The following NRXN2 variants were observed in gnomAD, a reference collection of about 807,000 sequenced individuals.
The protein encoded by NRXN2 is neurexin-2-beta.
NRXN2 carries 29 observed loss-of-function variants against 128.8 expected under a neutral mutation model. That is an observed-to-expected ratio of 0.23 (90% CI 0.17 to 0.31). The LOEUF (loss-of-function observed/expected upper bound fraction) is 0.31, where lower values mean the gene tolerates loss of function less well. Among genes scored for constraint, NRXN2 ranks in the 10% least tolerant of loss-of-function variants. NRXN2 has a pLI of 1.00. For synonymous variants in NRXN2, 1,098 were observed against 1,075.2 expected (o/e 1.02, Z -0.41); for missense variants, 1,881 against 2,452.6 (o/e 0.77, Z 4.92).
At chr11:64,678,798 G>A (rs989804247) in intron 6 of NRXN2, among the ~76,000 whole-genome samples, 4 of 152,102 alleles carry the variant, frequency 2.6e-5, no homozygotes, top group Non-Finnish European at 4.4e-5. Context: ...CCGAGAGTGT[G>A]ATTGTGAGAA....
At chr11:64,684,178 G>A (rs971566012) in intron 6 of NRXN2, among the ~76,000 whole-genome samples, 2 of 152,114 alleles carry the variant, frequency 1.3e-5, no homozygotes, top group East Asian at 1.9e-4. Flanking sequence ...GCATCTTGCC[G>A]AAGTCGGTAC....
At chr11:64,680,240 C>G (rs1392779934) in intron 6 of NRXN2, among the ~76,000 whole-genome samples, 1 of 152,100 alleles carries the variant, frequency 6.6e-6, no homozygotes, top group Non-Finnish European at 1.5e-5. Flanking sequence ...CTCAAGAAAG[C>G]CAAGAGAGGG....
intron 5 of NRXN2, among the ~76,000 whole-genome samples, chr11:64,686,234 A>T (rs1175735645): frequency 1.3e-5 from 2 of 152,164 alleles, no homozygotes; most frequent in Non-Finnish European, 2.9e-5. Context: ...CACAGGACCC[A>T]GCAGAGCGGA....
At chr11:64,692,961 G>T (rs565826164) in intron 3 of NRXN2, 85 bp from the exon 4 acceptor site, 3 of 1,183,430 alleles carry the variant, frequency 2.5e-6, no homozygotes, top group Non-Finnish European at 3.7e-6. Flanking sequence ...AAGAAAACAC[G>T]AGTCATCAAA....
chr11:64,704,550 A>T (rs2055948135), intron 2 of NRXN2, among the ~76,000 whole-genome samples: 1 of 151,790 alleles, frequency 6.6e-6, no homozygotes, highest in East Asian at 1.9e-4. Flanking sequence ...TGTTAGTGAC[A>T]CACAATTCTA....
chr11:64,717,688 G>A (rs922421695), intron 1 of NRXN2, among the ~76,000 whole-genome samples: 7 of 152,242 alleles, frequency 4.6e-5, no homozygotes, highest in East Asian at 1.9e-4. Flanking sequence ...TTTGGGCTCC[G>A]TCTGCATCAG....
At chr11:64,662,125 GC>G (rs1194572721) in intron 9 of NRXN2, among the ~76,000 whole-genome samples, 1 of 151,916 alleles carries the variant, frequency 6.6e-6, no homozygotes, top group African/African-American at 2.4e-5. Context: ...GGGTGTGTTG[GC>G]ACAAACCTGT....
intron 17 of NRXN2, among the ~76,000 whole-genome samples, chr11:64,644,830 G>A (rs1374063142): frequency 2.0e-5 from 3 of 152,050 alleles, no homozygotes; most frequent in Admixed American, 1.3e-4. Flanking sequence ...GGGAGGGGCT[G>A]GAGAGAGCTG....
chr11:64,633,555 A>T (rs2044249067), intron 18 of NRXN2, among the ~76,000 whole-genome samples: 1 of 152,194 alleles, frequency 6.6e-6, no homozygotes, highest in Non-Finnish European at 1.5e-5. Context: ...AGAGAGAAGG[A>T]GCAGCCCTCA....
In NRXN2 at chr11:64,607,369, C is replaced by T. The variant is rs758684664; in HGVS notation, c.4966G>A (p.Ala1656Thr). The T allele has an allele frequency of 3.1e-6, 5 of 1,613,822 alleles. No individual in the cohort carries two copies. The highest frequency in any genetic ancestry group is 2.5e-6 in the Non-Finnish European group (3 of 1,179,952). ...TCACGATTGCGGTACTTATACATGG[C>T]GTAGAGGAGGATGAGGATGCAGAGC... is the stretch of plus-strand genomic sequence containing the variant. ...AALCILILLY[A>T]MYKYRNRDEG... The change falls in exon 23 of 23, where the codon GCC (alanine) becomes ACC (threonine). Residue 1656 changes from alanine to threonine, a missense_variant. By Grantham distance (58) the Ala-to-Thr change is moderately conservative (BLOSUM62 0). This residue lies in a region of NRXN2 where 63 missense variants were observed against 76.0 expected (regional missense o/e 0.83). Transcript: ENST00000265459.
rs1303527438 is a variant in NRXN2 at position 64,696,592 on chromosome 11, GA to G, written c.748+1182del. ...GCCTGCTGGGCCCTGGGGACCTGAG[GA>G]CCCCCAGGGAAAAGAGACATCCAAG... is the stretch of plus-strand genomic sequence containing the variant. On this transcript the variant is annotated intron_variant, in intron 3 of 22. Transcript: ENST00000265459. 2.7e-5 allele frequency among the ~76,000 whole-genome samples: 4 copies of G among 150,660 alleles called. 1 individual carries two copies. Among genetic ancestry groups the G allele is most frequent in the Admixed American group, 2.0e-4 (3 of 15,190 alleles).
At chr11:64,699,422 T>TTCC (rs2054988639) in intron 2 of NRXN2, among the ~76,000 whole-genome samples, 1 of 98,190 alleles carries the variant, frequency 1.0e-5, no homozygotes, top group Non-Finnish European at 2.0e-5. Flanking sequence ...GTCTAATAGT[T>TTCC]TTCTTTTTTT....
chr11:64,639,633 G>GT (rs2045353305), intron 17 of NRXN2, among the ~76,000 whole-genome samples: 1 of 152,094 alleles, frequency 6.6e-6, no homozygotes, highest in South Asian at 2.1e-4. Flanking sequence ...CAGACATCAG[G>GT]TACAGGAGTG....
chr11:64,660,938 C>A lies in NRXN2; in HGVS notation c.2000G>T (p.Ser667Ile), dbSNP rs1323339391. Residue 667 changes from serine (S) to isoleucine (I), a missense_variant, in exon 10 of 23, where the codon AGC becomes ATC. Physicochemically the swap from Ser to Ile is moderately radical, Grantham distance 142. Coordinates refer to ENST00000265459, the MANE Select transcript of NRXN2 (RefSeq NM_015080.4). The surrounding 1 kb of genome is among the most constrained non-coding windows in gnomAD (Gnocchi z 5.2). ...CTCAGCCAGGCCCCGGAGGTCTCGG[C>A]TACGCCCATCTATGAAGAGGTCCCG... is the stretch of plus-strand genomic sequence containing the variant. Reference protein sequence around the residue: ...CVRDLFIDGRSRDLRGLAEAQ... With the variant: ...CVRDLFIDGRIRDLRGLAEAQ... 2 of 1,613,816 alleles carry A rather than the reference C, an allele frequency of 1.2e-6. No homozygotes were observed. Among genetic ancestry groups the A allele is most frequent in the Non-Finnish European group, 1.7e-6 (2 of 1,179,950 alleles).
chr11:64,647,207 T>TTGTG (rs10535079), intron 17 of NRXN2, among the ~76,000 whole-genome samples: 3,466 of 146,612 alleles, frequency 0.024, 53 homozygotes, highest in Non-Finnish European at 0.033. Flanking sequence ...AGACGCTTCG[T>TTGTG]TGTGTGTGTG....
chr11:64,713,133 G>A lies in NRXN2; in HGVS notation c.567C>T (p.Pro189=). ...GCAGGCCCTGGCTGCCCAGCAGCGC[G>A]GGGGGCCGCTCGCCCAGCTTCAGGT... The part of the protein sequence containing the change: ...LANLKLGERP[P]ALLGSQGLRG... Residue 189 remains proline (P), a synonymous_variant, in exon 2 of 23, where the codon CCC becomes CCT. Coordinates refer to ENST00000265459, the MANE Select transcript of NRXN2 (RefSeq NM_015080.4). 1 of 1,433,152 alleles carries A rather than the reference G, an allele frequency of 7.0e-7. No individual in the cohort carries two copies. The highest frequency in any genetic ancestry group is 9.1e-7 in the Non-Finnish European group (1 of 1,092,960). The allele number at this position is 1,433,152 out of a possible 1,614,324, so 88.8% of individuals were successfully genotyped here. A position where few individuals can be genotyped will look rare whatever the true frequency, so the allele number is the denominator to read the frequency against.
intron 7 of NRXN2, 102 bp downstream of exon 7, chr11:64,676,891 A>C: frequency 2.1e-6 from 2 of 946,310 alleles, no homozygotes; most frequent in Non-Finnish European, 3.4e-6. Context: ...AGAGCAAAAC[A>C]ACCAAAAAAC....
chr11:64,677,901 A>G (rs1402866633), intron 6 of NRXN2, among the ~76,000 whole-genome samples: 1 of 152,196 alleles, frequency 6.6e-6, no homozygotes, highest in African/African-American at 2.4e-5. Flanking sequence ...CCAGCTGGCT[A>G]TCAGGCTGGG....
chr11:64,638,404 G>A (rs1337103879), intron 17 of NRXN2, among the ~76,000 whole-genome samples: 1 of 152,164 alleles, frequency 6.6e-6, no homozygotes, highest in South Asian at 2.1e-4. Context: ...GCTGCCTCCG[G>A]AGCGCAGAAG....
Sources: gnomAD v4.1 joint callset for allele counts (sites outside exome capture counted in the v4.1 genomes callset) on GRCh38, gnomAD v4.1.1 for gene constraint, gnomAD v4.1.1 regional missense constraint, Gnocchi (gnomAD v3.1) non-coding constraint, MANE v1.5 for transcripts, NCBI Gene and HGNC (gene_info 2026-07-23, HGNC 2026-07-21) for gene names.